The following CCSER1 variants were observed in gnomAD, a reference collection of about 807,000 sequenced individuals.
The protein encoded by CCSER1 is serine-rich coiled-coil domain-containing protein 1.
A neutral mutation model predicts 82.0 loss-of-function variants in CCSER1; 41 were observed. The ratio of observed to expected loss-of-function variants is 0.50; its 90% confidence interval spans 0.39 to 0.65. The LOEUF is 0.65. Ranked by LOEUF, CCSER1 falls within the 30% of genes least tolerant of loss-of-function variation. The pLI, the probability that CCSER1 is intolerant of heterozygous loss-of-function variation, is 0.00. For missense variants in CCSER1, 1,119 were observed against 1,064.2 expected, an observed-to-expected ratio of 1.05 and a Z score of -0.72; for synonymous variants, 414 against 383.9, an observed-to-expected ratio of 1.08 and a Z score of -0.92.
chr4:91,225,324 G>GATATAA (rs1227139014), intron 10 of CCSER1, among the ~76,000 whole-genome samples: 1 of 118,794 alleles, frequency 8.4e-6, no homozygotes, highest in African/African-American at 3.7e-5. Context: ...TAATATATAT[G>GATATAA]TATATATATT....
At chr4:90,274,398 T>C (rs944577636) in intron 1 of CCSER1, among the ~76,000 whole-genome samples, 1 of 152,166 alleles carries the variant, frequency 6.6e-6, no homozygotes, top group Non-Finnish European at 1.5e-5. Context: ...GTGTGTGTCT[T>C]TTCTTATCAC....
chr4:90,444,394 A>T (rs1479458001), intron 4 of CCSER1, among the ~76,000 whole-genome samples: 3 of 152,106 alleles, frequency 2.0e-5, no homozygotes, highest in Admixed American at 6.6e-5. Context: ...TGCCACCTCC[A>T]TAACAATTTT....
chr4:90,538,931 G>A (rs1290004564), intron 5 of CCSER1, among the ~76,000 whole-genome samples: 4 of 151,734 alleles, frequency 2.6e-5, no homozygotes, highest in Non-Finnish European at 5.9e-5. Flanking sequence ...TGATATTTTT[G>A]TAAATATTAA....
chr4:90,780,506 C>A (rs549878868), intron 7 of CCSER1: 1 of 1,610,062 alleles, frequency 6.2e-7, no homozygotes, highest in East Asian at 2.2e-5. Flanking sequence ...GTTCAGGAGG[C>A]CTAGATGATC....
In CCSER1 at chr4:91,466,211, G is replaced by C. The variant is rs565941756; in HGVS notation, c.2218-132361G>C. Among the ~76,000 whole-genome samples the C allele has an allele frequency of 4.6e-5, 7 of 152,124 alleles. No individual in the cohort carries two copies. In the East Asian group the frequency reaches 1.4e-3, roughly 29 times the overall value. On this transcript the variant is annotated intron_variant, in intron 10 of 10. Coordinates refer to ENST00000509176, the MANE Select transcript of CCSER1 (RefSeq NM_001145065.2). ...AGGCTGGTTCAACATATGCAAATCAGTAAACGTAATCCATCATATAAACAG... is the reference window on the plus strand; with the variant it reads ...AGGCTGGTTCAACATATGCAAATCACTAAACGTAATCCATCATATAAACAG...
At chr4:90,271,587 T>G (rs1726284339) in intron 1 of CCSER1, among the ~76,000 whole-genome samples, 1 of 151,632 alleles carries the variant, frequency 6.6e-6, no homozygotes, top group Non-Finnish European at 1.5e-5. Flanking sequence ...TGGGCAAAGA[T>G]TTTTTGAGTA....
At chr4:90,195,212 G>A (rs369840506) in intron 1 of CCSER1, among the ~76,000 whole-genome samples, 135 of 152,192 alleles carry the variant, frequency 8.9e-4, no homozygotes, top group African/African-American at 3.0e-3. Flanking sequence ...ATGTTCCTTA[G>A]TAGGTGAATG....
At chr4:90,161,350 T>C (rs1729396373) in intron 1 of CCSER1, among the ~76,000 whole-genome samples, 1 of 152,198 alleles carries the variant, frequency 6.6e-6, no homozygotes, top group Admixed American at 6.5e-5. Flanking sequence ...ACATAATCAC[T>C]TATTATTCTC....
chr4:91,512,462 G>T (rs1307964387), intron 10 of CCSER1, among the ~76,000 whole-genome samples: 1 of 152,132 alleles, frequency 6.6e-6, no homozygotes, highest in Non-Finnish European at 1.5e-5. Flanking sequence ...CAGACTGAAG[G>T]CTGCACTGTC....
At chr4:90,653,995 C>A (rs761858110) in intron 6 of CCSER1, among the ~76,000 whole-genome samples, 6 of 151,952 alleles carry the variant, frequency 3.9e-5, no homozygotes, top group Non-Finnish European at 7.4e-5. Flanking sequence ...AGAGAGAGAG[C>A]AAAGTGGGAA....
intron 1 of CCSER1, among the ~76,000 whole-genome samples, chr4:90,253,398 TTC>T (rs1722728919): frequency 6.6e-6 from 1 of 152,186 alleles, no homozygotes; most frequent in South Asian, 2.1e-4. Flanking sequence ...TAGCAATGAA[TTC>T]TGTTTTTGTT....
At chr4:91,119,872 G>T (rs988046828) in intron 10 of CCSER1, among the ~76,000 whole-genome samples, 1 of 151,970 alleles carries the variant, frequency 6.6e-6, no homozygotes, top group African/African-American at 2.4e-5. Flanking sequence ...TTCTTATTTT[G>T]TATAGGATTT....
intron 3 of CCSER1, among the ~76,000 whole-genome samples, chr4:90,338,311 C>A (rs1740777020): frequency 6.6e-6 from 1 of 152,184 alleles, no homozygotes; most frequent in African/African-American, 2.4e-5. Flanking sequence ...CTGTTTTGGA[C>A]AAATGATTTT....
At chr4:90,200,872 C>G (rs1214490583) in intron 1 of CCSER1, among the ~76,000 whole-genome samples, 1 of 151,970 alleles carries the variant, frequency 6.6e-6, no homozygotes, top group African/African-American at 2.4e-5. Flanking sequence ...TATAATGATG[C>G]TTTTTATAAA....
At chr4:90,388,660 A>G (rs1173689703) in intron 3 of CCSER1, among the ~76,000 whole-genome samples, 1 of 143,776 alleles carries the variant, frequency 7.0e-6, no homozygotes, top group South Asian at 2.3e-4. Flanking sequence ...TTTGAGACGA[A>G]GTCTCATTCT....
At chr4:91,351,007 C>A (rs1471129595) in intron 10 of CCSER1, among the ~76,000 whole-genome samples, 1 of 151,838 alleles carries the variant, frequency 6.6e-6, no homozygotes, top group African/African-American at 2.4e-5. Context: ...TTGGGTCTTA[C>A]ATGCATGTAT....
At chr4:91,298,847 A>G (rs1325444193) in intron 10 of CCSER1, among the ~76,000 whole-genome samples, 1 of 151,984 alleles carries the variant, frequency 6.6e-6, no homozygotes, top group African/African-American at 2.4e-5. Context: ...AGTGCTGGGT[A>G]ATAGCTGACT....
intron 5 of CCSER1, among the ~76,000 whole-genome samples, chr4:90,515,170 C>A (rs1464573608): frequency 6.6e-6 from 1 of 152,078 alleles, no homozygotes; most frequent in African/African-American, 2.4e-5. Context: ...AGTTAATTTC[C>A]ATGTATACAA....
chr4:91,352,533 C>T (rs553299208), intron 10 of CCSER1, among the ~76,000 whole-genome samples: 2 of 152,218 alleles, frequency 1.3e-5, no homozygotes, highest in African/African-American at 2.4e-5. Flanking sequence ...CGTGAGCCAC[C>T]GTGCCCGGCA....
Sources: gnomAD v4.1 joint callset for allele counts (sites outside exome capture counted in the v4.1 genomes callset) on GRCh38, gnomAD v4.1.1 for gene constraint, MANE v1.5 for transcripts, NCBI Gene and HGNC (gene_info 2026-07-23, HGNC 2026-07-21) for gene names.